The following SMG6 variants were observed in gnomAD, a reference collection of about 807,000 sequenced individuals.
The protein encoded by SMG6 is telomerase-binding protein EST1A.
Under a neutral mutation model 142.2 loss-of-function variants are expected in SMG6, and 66 were observed. That is an observed-to-expected ratio of 0.46 (90% confidence interval 0.38 to 0.57). The LOEUF (loss-of-function observed/expected upper bound fraction) is 0.57, where lower values mean the gene tolerates loss of function less well. SMG6 is among the 20% of genes least tolerant of loss of function. SMG6 has a pLI of 0.00. For synonymous variants in SMG6, 779 were observed against 702.4 expected, an observed-to-expected ratio of 1.11 and a Z score of -1.72; for missense variants, 1,793 against 1,832.0, an observed-to-expected ratio of 0.98 and a Z score of 0.39.
intron 1 of SMG6, among the ~76,000 whole-genome samples, chr17:2,301,790 G>A (rs895993357): frequency 6.6e-6 from 1 of 152,148 alleles, no homozygotes; most frequent in African/African-American, 2.4e-5. Context: ...TGCAGTACGC[G>A]GAGATCGCGC....
chr17:2,267,810 C>T (rs1001035289), intron 8 of SMG6, among the ~76,000 whole-genome samples: 3 of 150,636 alleles, frequency 2.0e-5, no homozygotes, highest in Non-Finnish European at 4.4e-5. Flanking sequence ...TGCCGTGGCG[C>T]GATCTCGGCT....
chr17:2,123,019 T>C (rs1339533663), intron 13 of SMG6, among the ~76,000 whole-genome samples: 1 of 152,228 alleles, frequency 6.6e-6, no homozygotes, highest in Non-Finnish European at 1.5e-5. Flanking sequence ...GATGGCCAGA[T>C]TCCCTTAAAC....
chr17:2,189,023 C>T (rs1023485470), intron 10 of SMG6, among the ~76,000 whole-genome samples: 2 of 152,200 alleles, frequency 1.3e-5, no homozygotes, highest in Non-Finnish European at 2.9e-5. Flanking sequence ...TTAGTCCCAT[C>T]CTTACTTCCT....
chr17:2,105,774 T>C (rs1567602014), intron 13 of SMG6, among the ~76,000 whole-genome samples: 1 of 152,178 alleles, frequency 6.6e-6, no homozygotes, highest in East Asian at 1.9e-4. Context: ...TCACTGGACA[T>C]AATATGGGCA....
intron 13 of SMG6, among the ~76,000 whole-genome samples, chr17:2,091,710 G>C (rs1286927262): frequency 3.5e-5 from 5 of 142,884 alleles, no homozygotes; most frequent in Non-Finnish European, 7.6e-5. Flanking sequence ...TCGCTCTGTT[G>C]CCCAGGCTGG....
In SMG6 at chr17:2,299,196, C is replaced by A. The variant is rs2075213674; in HGVS notation, c.1557G>T (p.Gln519His). The change falls in exon 2 of 19, where the codon CAG (glutamine) becomes CAT (histidine). Residue 519 changes from glutamine to histidine, a missense_variant. Coordinates refer to ENST00000263073, the MANE Select transcript of SMG6 (RefSeq NM_017575.5). This position sits in a 1 kb window ranked among gnomAD's most constrained non-coding sequence, Gnocchi z 4.3. ...YYPRTPGPAS[Q>H]YPYTGYNPLQ... The stretch of plus-strand genomic sequence containing the variant: ...GAGGGTTATAGCCCGTATAGGGATA[C>A]TGGGAGGCAGGGCCTGGTGTCCGGG... The A allele has an allele frequency of 1.2e-6, 2 of 1,613,330 alleles. No homozygotes were observed. Among genetic ancestry groups the A allele is most frequent in the South Asian group, 2.2e-5 (2 of 91,016 alleles).
At chr17:2,087,679 T>A (rs2068602156) in intron 13 of SMG6, 10 of 989,170 alleles carry the variant, frequency 1.0e-5, no homozygotes, top group Non-Finnish European at 1.2e-5. Context: ...TTCCATTGCG[T>A]GTATTCAAAC....
chr17:2,088,257 G>A (rs181857605), intron 13 of SMG6: 10 of 985,424 alleles, frequency 1.0e-5, no homozygotes, highest in Middle Eastern at 5.2e-4. Context: ...GTTTCTGGCC[G>A]ACAGGGAGAA....
chr17:2,283,570 A>G (rs973297187), intron 7 of SMG6, 55 bp downstream of exon 7: 19 of 1,408,454 alleles, frequency 1.3e-5, no homozygotes, highest in Non-Finnish European at 1.7e-5. Flanking sequence ...GCACACCAAC[A>G]CTCAGGGAAA....
chr17:2,289,065 C>G (rs1015266874), intron 6 of SMG6, among the ~76,000 whole-genome samples: 5 of 118,632 alleles, frequency 4.2e-5, no homozygotes, highest in African/African-American at 1.0e-4. Context: ...GGCAACAGAG[C>G]AAGACTCTGT....
rs764665564 is a variant in SMG6, at chr17:2,283,720, C to T, written c.2353G>A (p.Ala785Thr). ...AAACTGCGCATATAGTAATAGACAG[C>T]GTCAAGCTTCCTCCTCTGTGGAAAG... ...LAVYTRRKLD[A>T]VYYYMRSLAA... The change falls in exon 7 of 19, where the codon GCT (alanine) becomes ACT (threonine). Residue 785 changes from alanine to threonine, a missense_variant. Coordinates refer to ENST00000263073, the MANE Select transcript of SMG6 (RefSeq NM_017575.5). 5.0e-6 allele frequency: 8 copies of T among 1,613,642 alleles called. No homozygotes were observed. Among genetic ancestry groups the T allele is most frequent in the South Asian group, 2.2e-5 (2 of 91,022 alleles).
intron 13 of SMG6, among the ~76,000 whole-genome samples, chr17:2,154,164 G>T (rs2070927288): frequency 6.8e-6 from 1 of 146,990 alleles, no homozygotes; most frequent in East Asian, 2.1e-4. Flanking sequence ...GAAACCTGAG[G>T]ATGCACGTAG....
chr17:2,110,900 G>A (rs2151492687), intron 13 of SMG6, among the ~76,000 whole-genome samples: 1 of 152,234 alleles, frequency 6.6e-6, no homozygotes, highest in African/African-American at 2.4e-5. Flanking sequence ...AAAATTAAGC[G>A]GCTCCAATTC....
intron 13 of SMG6, among the ~76,000 whole-genome samples, chr17:2,110,899 C>A (rs188355103): frequency 2.0e-5 from 3 of 152,240 alleles, no homozygotes; most frequent in East Asian, 1.9e-4. Flanking sequence ...GAAAATTAAG[C>A]GGCTCCAATT....
chr17:2,204,778 C>T (rs947016812), intron 10 of SMG6, among the ~76,000 whole-genome samples: 2 of 152,098 alleles, frequency 1.3e-5, no homozygotes, highest in Admixed American at 6.5e-5. Flanking sequence ...GCCTAGGCAA[C>T]GTGGCAAAAC....
chr17:2,110,690 G>C (rs79815791), intron 13 of SMG6, among the ~76,000 whole-genome samples: 1 of 152,058 alleles, frequency 6.6e-6, no homozygotes, highest in Non-Finnish European at 1.5e-5. Context: ...GCCTGGGAGA[G>C]GTCAGCAACA....
At chr17:2,248,980 G>A (rs562474335) in intron 8 of SMG6, among the ~76,000 whole-genome samples, 39 of 151,628 alleles carry the variant, frequency 2.6e-4, no homozygotes, top group African/African-American at 7.5e-4. Flanking sequence ...TCCGCCTCCC[G>A]GGTTCACGCC....
At chr17:2,270,410 C>G (rs1470332712) in intron 8 of SMG6, among the ~76,000 whole-genome samples, 1 of 151,866 alleles carries the variant, frequency 6.6e-6, no homozygotes, top group Admixed American at 6.6e-5. Flanking sequence ...AGTTTGAGAC[C>G]AGTCTCAGCA....
chr17:2,144,974 C>A (rs1188915260), intron 13 of SMG6, among the ~76,000 whole-genome samples: 4 of 152,196 alleles, frequency 2.6e-5, no homozygotes, highest in Non-Finnish European at 5.9e-5. Context: ...ATCATCAGGG[C>A]AAGCACCAGC....
Sources: allele counts gnomAD v4.1 joint callset (sites outside exome capture counted in the v4.1 genomes callset), GRCh38; gene constraint gnomAD v4.1.1; non-coding constraint Gnocchi (gnomAD v3.1); transcripts MANE v1.5; gene names NCBI Gene and HGNC (gene_info 2026-07-23, HGNC 2026-07-21).